Variants in ITGB3 observed in about 807,000 individuals in gnomAD.
ITGB3 encodes integrin subunit beta 3.
ITGB3 carries 48 observed loss-of-function variants against 85.8 expected under a neutral mutation model. That is an observed-to-expected ratio of 0.56 (90% CI 0.44 to 0.71). ITGB3 has a LOEUF of 0.71. Ranked by LOEUF, ITGB3 falls within the 30% of genes least tolerant of loss-of-function variation. ITGB3 has a pLI of 0.00. For missense variants in ITGB3, 861 were observed against 1,019.1 expected, an observed-to-expected ratio of 0.84 and a Z score of 2.11; for synonymous variants, 363 against 395.6, an observed-to-expected ratio of 0.92 and a Z score of 0.98.
rs563953364 is a variant in ITGB3 at position 47,270,143 on chromosome 17, C to T, written c.80-4276C>T. On this transcript the variant is annotated intron_variant, in intron 1 of 14. Coordinates refer to ENST00000559488, the MANE Select transcript of ITGB3 (RefSeq NM_000212.3). ...ACCTCCCACTGAGTCCCTCTCATGA[C>T]CTGTGGGGATTATGGGTACTACAGT... 2.6e-5 allele frequency among the ~76,000 whole-genome samples: 4 copies of T among 152,320 alleles called. No individual in the cohort carries two copies. The South Asian group carries it at 8.3e-4, about 32-fold the overall frequency.
chr17:47,283,252 C>T (rs528560914), intron 2 of ITGB3, 102 bp from the exon 3 acceptor site: 41 of 1,070,770 alleles, frequency 3.8e-5, no homozygotes, highest in Admixed American at 1.5e-4. Context: ...CTCCAATGTA[C>T]GGGGTAAACT....
At chr17:47,300,443 T>TCTTTGC in intron 11 of ITGB3, 35 bp from the exon 12 acceptor site, 3 of 1,525,446 alleles carry the variant, frequency 2.0e-6, no homozygotes, top group Non-Finnish European at 2.7e-6. Flanking sequence ...GCTTGCTCCT[T>TCTTTGC]CTTTGCCTTA....
intron 3 of ITGB3, among the ~76,000 whole-genome samples, chr17:47,284,213 TC>T (rs1034775386): frequency 7.9e-5 from 12 of 151,824 alleles, no homozygotes; most frequent in Non-Finnish European, 1.6e-4. Flanking sequence ...GGATTAGAAA[TC>T]CCCTGGGATT....
intron 1 of ITGB3, among the ~76,000 whole-genome samples, chr17:47,271,710 A>T (rs2065044600): frequency 6.6e-6 from 1 of 152,212 alleles, no homozygotes; most frequent in Admixed American, 6.5e-5. Flanking sequence ...GCTATAACAA[A>T]ATGCCATAAA....
At chr17:47,293,135 A>T (rs1354182016) in intron 10 of ITGB3, among the ~76,000 whole-genome samples, 2 of 152,206 alleles carry the variant, frequency 1.3e-5, no homozygotes, top group African/African-American at 4.8e-5. Context: ...TATTGGACAG[A>T]TCTAGAACAT....
chr17:47,278,320 GCTCA>G (rs1009845216), intron 2 of ITGB3, among the ~76,000 whole-genome samples: 12 of 152,152 alleles, frequency 7.9e-5, no homozygotes, highest in African/African-American at 2.9e-4. Flanking sequence ...AGGTGTGGTG[GCTCA>G]CTCCTGTAAT....
rs369339226 is a variant in ITGB3 at position 47,302,685 on chromosome 17, T to C, written c.2015-36T>C. On this transcript the variant is annotated intron_variant, in intron 12 of 14. Coordinates refer to ENST00000559488, the MANE Select transcript of ITGB3 (RefSeq NM_000212.3). ...GAGTGGTCCCATCTTCCAGTAGTTG[T>C]CTCACTTTTTATTCCTCCATTTTCC... The C allele has an allele frequency of 8.1e-6, 13 of 1,613,406 alleles. No individual in the cohort carries two copies. In the African/African-American group the frequency reaches 1.3e-4, roughly 17 times the overall value.
chr17:47,286,162 A>C, intron 4 of ITGB3, 98 bp from the exon 5 acceptor site: 2 of 1,389,256 alleles, frequency 1.4e-6, no homozygotes, highest in Non-Finnish European at 2.0e-6. Context: ...TGGCCTTGGC[A>C]TACCACTATC....
rs2143093362 is a variant in ITGB3 at position 47,284,700 on chromosome 17, G to C, written c.614+5G>C. 5.0e-6 allele frequency: 8 copies of C among 1,614,176 alleles called. No homozygotes were observed. The highest frequency in any genetic ancestry group is 6.8e-6 in the Non-Finnish European group (8 of 1,180,026). On this transcript the variant is annotated splice_donor_5th_base_variant and intron_variant, in intron 4 of 14. Transcript: ENST00000559488. ...CCTCGAAAACCCCTGCTATGAGTAA[G>C]TCCCTCCTCCAGACGCCAGGACAGC... is the stretch of plus-strand genomic sequence containing the variant.
intron 12 of ITGB3, among the ~76,000 whole-genome samples, chr17:47,301,264 C>T (rs899122001): frequency 6.6e-6 from 1 of 152,156 alleles, no homozygotes; most frequent in Non-Finnish European, 1.5e-5. Context: ...GCCAGCGAGG[C>T]ATTGAGATGG....
At chr17:47,293,917 T>A (rs973306713) in intron 10 of ITGB3, among the ~76,000 whole-genome samples, 1 of 152,230 alleles carries the variant, frequency 6.6e-6, no homozygotes, top group Non-Finnish European at 1.5e-5. Context: ...GCATTGGGGC[T>A]CTAATCAGTT....
intron 1 of ITGB3, among the ~76,000 whole-genome samples, chr17:47,271,235 T>A (rs1352719178): frequency 6.6e-6 from 1 of 152,210 alleles, no homozygotes; most frequent in Non-Finnish European, 1.5e-5. Flanking sequence ...TCGATTAGGA[T>A]GACAGTCTAC....
intron 1 of ITGB3, among the ~76,000 whole-genome samples, chr17:47,256,007 A>G (rs2064988423): frequency 6.6e-6 from 1 of 152,132 alleles, no homozygotes; most frequent in Admixed American, 6.5e-5. Context: ...ACATAATTAA[A>G]AAAAGGGTAT....
chr17:47,285,644 T>C (rs1264280047), intron 4 of ITGB3, among the ~76,000 whole-genome samples: 2 of 152,078 alleles, frequency 1.3e-5, no homozygotes, highest in South Asian at 2.1e-4. Flanking sequence ...TTTGAAGTTA[T>C]ATGATGTGGC....
rs544462074 is a variant in ITGB3 at position 47,312,516 on chromosome 17, G to T, written c.*2312G>T. 3.9e-5 allele frequency among the ~76,000 whole-genome samples: 6 copies of T among 152,340 alleles called. No homozygotes were observed. In the East Asian group the frequency reaches 1.2e-3, roughly 29 times the overall value. On this transcript the variant is annotated 3_prime_UTR_variant, in exon 15 of 15. Transcript: ENST00000559488. ...ACCTTCAGCTACTAAGACAGGTGTG[G>T]TGGCTCACGCCTGTGATTATAATCT...
chr17:47,301,940 A>C (rs1266465130), intron 12 of ITGB3, among the ~76,000 whole-genome samples: 1 of 152,122 alleles, frequency 6.6e-6, no homozygotes, highest in African/African-American at 2.4e-5. Context: ...GTTGAGTTCA[A>C]GTCTGCAAGA....
intron 3 of ITGB3, 23 bp downstream of exon 3, chr17:47,283,572 G>T (rs1488906822): frequency 3.1e-6 from 5 of 1,611,802 alleles, no homozygotes; most frequent in Non-Finnish European, 4.2e-6. Flanking sequence ...CTCTTTGCGG[G>T]GAGAGACCTG....
chr17:47,261,429 A>G (rs1271550717), intron 1 of ITGB3, among the ~76,000 whole-genome samples: 1 of 152,112 alleles, frequency 6.6e-6, no homozygotes, highest in Non-Finnish European at 1.5e-5. Flanking sequence ...TAGTTACTGC[A>G]GAGTTTTTTT....
At chr17:47,306,816 A>G (rs552892344) in intron 13 of ITGB3, among the ~76,000 whole-genome samples, 3 of 151,914 alleles carry the variant, frequency 2.0e-5, no homozygotes, top group Non-Finnish European at 4.4e-5. Context: ...AGTAGCTGGG[A>G]TTACAGGTGC....
Sources: allele counts gnomAD v4.1 joint callset (sites outside exome capture counted in the v4.1 genomes callset), GRCh38; gene constraint gnomAD v4.1.1; transcripts MANE v1.5; gene names NCBI Gene and HGNC (gene_info 2026-07-23, HGNC 2026-07-21).